KANSL1: variants seen among roughly 807,000 people sequenced by gnomAD.
KANSL1 encodes MLL1/MLL complex subunit KANSL1.
KANSL1 carries 22 observed loss-of-function variants against 103.6 expected under a neutral mutation model. The ratio of observed to expected loss-of-function variants is 0.21; its 90% CI spans 0.15 to 0.30. The LOEUF is 0.30. Ranked by LOEUF, KANSL1 falls within the 10% of genes least tolerant of loss-of-function variation. KANSL1 has a pLI of 1.00. For synonymous variants in KANSL1, 600 were observed against 527.6 expected, an observed-to-expected ratio of 1.14 and a Z score of -1.88; for missense variants, 1,337 against 1,399.8, an observed-to-expected ratio of 0.96 and a Z score of 0.72.
chr17:46,163,310 C>T (rs1475927624), intron 2 of KANSL1, among the ~76,000 whole-genome samples: 4 of 152,216 alleles, frequency 2.6e-5, no homozygotes, highest in Middle Eastern at 3.2e-3. Context: ...CAGGTCTCTA[C>T]AGAGCAACTC....
intron 2 of KANSL1, among the ~76,000 whole-genome samples, chr17:46,100,189 A>G (rs1350722006): frequency 1.3e-5 from 2 of 152,202 alleles, no homozygotes; most frequent in African/African-American, 4.8e-5. Context: ...GTACCTGTGA[A>G]TGGTTTTTTG....
At chr17:46,086,424 C>A (rs542086401) in intron 3 of KANSL1, among the ~76,000 whole-genome samples, 3 of 152,132 alleles carry the variant, frequency 2.0e-5, no homozygotes, top group Non-Finnish European at 4.4e-5. Context: ...TATTTCATTC[C>A]TCTTTTGTTC....
chr17:46,095,387 T>C (rs548687884), intron 2 of KANSL1, among the ~76,000 whole-genome samples: 2 of 152,312 alleles, frequency 1.3e-5, no homozygotes, highest in South Asian at 2.1e-4. Context: ...GAAGGCATGA[T>C]GCAAATACAC....
intron 1 of KANSL1, among the ~76,000 whole-genome samples, chr17:46,203,591 G>A (rs111533256): frequency 0.031 from 4,654 of 152,220 alleles, 226 homozygotes; most frequent in African/African-American, 0.1. Context: ...TCATTGATAC[G>A]TTAAATGATC....
intron 2 of KANSL1, among the ~76,000 whole-genome samples, chr17:46,102,935 T>C (rs557133836): frequency 4.6e-5 from 7 of 152,296 alleles, no homozygotes; most frequent in African/African-American, 1.7e-4. Flanking sequence ...GTGATATAAA[T>C]ATTTAAACAG....
At chr17:46,178,311 A>G (rs981133387) in intron 1 of KANSL1, among the ~76,000 whole-genome samples, 1 of 152,248 alleles carries the variant, frequency 6.6e-6, no homozygotes, top group Non-Finnish European at 1.5e-5. Flanking sequence ...ATCTTTCTCC[A>G]AAGAATACAA....
intron 1 of KANSL1, among the ~76,000 whole-genome samples, chr17:46,180,824 A>G (rs2046753206): frequency 6.6e-6 from 1 of 152,216 alleles, no homozygotes; most frequent in Non-Finnish European, 1.5e-5. Context: ...ACATAGCGAG[A>G]TCGAGTCTCT....
chr17:46,130,199 A>AAAAAAAAAAAAAAAAAAAAAAAAAAG (rs2043790505), intron 2 of KANSL1, among the ~76,000 whole-genome samples: 1 of 151,320 alleles, frequency 6.6e-6, no homozygotes, highest in Non-Finnish European at 1.5e-5. Flanking sequence ...AAAAAAAAAA[A>AAAAAAAAAAAAAAAAAAAAAAAAAAG]AAAAAAAAAG....
At chr17:46,114,945 C>G (rs1224106046) in intron 2 of KANSL1, among the ~76,000 whole-genome samples, 2 of 152,192 alleles carry the variant, frequency 1.3e-5, no homozygotes, top group Non-Finnish European at 2.9e-5. Context: ...TTGATTTAGA[C>G]ACTCTCTAAA....
At chr17:46,173,393 A>G (rs1338156231) in intron 1 of KANSL1, among the ~76,000 whole-genome samples, 1 of 152,228 alleles carries the variant, frequency 6.6e-6, no homozygotes, top group African/African-American at 2.4e-5. Context: ...TACCTTAAGT[A>G]ATGACACTGC....
At chr17:46,132,271 C>T (rs565225818) in intron 2 of KANSL1, among the ~76,000 whole-genome samples, 7 of 152,326 alleles carry the variant, frequency 4.6e-5, no homozygotes, top group African/African-American at 1.2e-4. Context: ...ATTTACCCAA[C>T]CCTTTAAAGG....
intron 6 of KANSL1, among the ~76,000 whole-genome samples, chr17:46,053,684 C>T (rs749911422): frequency 1.1e-4 from 16 of 152,146 alleles, no homozygotes; most frequent in African/African-American, 3.9e-4. Flanking sequence ...ATCTGCCCGC[C>T]TCGGCCTCCC....
Position 46,171,300 on chromosome 17 carries a change from T to C in KANSL1, c.844A>G (p.Thr282Ala). ...CGCCGCAGTAAAGCTGTTATCCTTGTGTCAGAATCTAAAGCACTGAAAAGA... is the reference window on the plus strand; with the variant it reads ...CGCCGCAGTAAAGCTGTTATCCTTGCGTCAGAATCTAAAGCACTGAAAAGA... ...SILFSALDSD[T>A]RITALLRRQA... is the part of the protein sequence containing the mutation. Residue 282 changes from threonine to alanine, a missense_variant, in exon 2 of 15, where the codon ACA becomes GCA. By Grantham distance (58) the Thr-to-Ala change is moderately conservative. Transcript: ENST00000432791. The C allele has an allele frequency of 6.2e-7, 1 of 1,614,200 alleles. No individual in the cohort carries two copies. The highest frequency in any genetic ancestry group is 8.5e-7 in the Non-Finnish European group (1 of 1,180,052).
Position 46,034,302 on chromosome 17 carries a change from A to C in KANSL1, c.2542-17T>G. ...TGGCTGCTGCTGTAAGATAAAAATTAAGTTTAAAAGGAAGGTACAATTTTA... is the reference window on the plus strand; with the variant it reads ...TGGCTGCTGCTGTAAGATAAAAATTCAGTTTAAAAGGAAGGTACAATTTTA... On this transcript the variant is annotated splice_polypyrimidine_tract_variant and intron_variant, in intron 10 of 14. Transcript: ENST00000432791. 1 of 1,612,912 alleles carries C rather than the reference A, an allele frequency of 6.2e-7. No homozygotes were observed. Among genetic ancestry groups the C allele is most frequent in the Non-Finnish European group, 8.5e-7 (1 of 1,179,508 alleles).
chr17:46,097,917 A>G (rs2146979241), intron 2 of KANSL1, among the ~76,000 whole-genome samples: 1 of 149,954 alleles, frequency 6.7e-6, no homozygotes, highest in Non-Finnish European at 1.5e-5. Context: ...TGGTATTTTA[A>G]CTTTTGTATG....
intron 1 of KANSL1, among the ~76,000 whole-genome samples, chr17:46,206,748 G>T (rs944782203): frequency 6.6e-6 from 1 of 152,166 alleles, no homozygotes; most frequent in African/African-American, 2.4e-5. Context: ...AGAAAACAAA[G>T]CTAATCTTCA....
chr17:46,218,567 G>C (rs997916795), intron 1 of KANSL1, among the ~76,000 whole-genome samples: 1 of 152,170 alleles, frequency 6.6e-6, no homozygotes, highest in African/African-American at 2.4e-5. Flanking sequence ...TGGATCACTT[G>C]AGGCCAGGAG....
chr17:46,098,723 G>C (rs2042182370), intron 2 of KANSL1, among the ~76,000 whole-genome samples: 1 of 152,216 alleles, frequency 6.6e-6, no homozygotes, highest in Non-Finnish European at 1.5e-5. Flanking sequence ...GTGTATCTGT[G>C]ATGTGATGGT....
At chr17:46,157,832 C>T (rs2045511329) in intron 2 of KANSL1, among the ~76,000 whole-genome samples, 1 of 152,242 alleles carries the variant, frequency 6.6e-6, no homozygotes, top group Non-Finnish European at 1.5e-5. Flanking sequence ...GGCCTGTCCT[C>T]CCAGCCTTTT....
Sources: gnomAD v4.1 joint callset for allele counts (sites outside exome capture counted in the v4.1 genomes callset) on GRCh38, gnomAD v4.1.1 for gene constraint, MANE v1.5 for transcripts, NCBI Gene and HGNC (gene_info 2026-07-23, HGNC 2026-07-21) for gene names.